Variants in VPS13B observed in about 807,000 individuals in gnomAD.
The protein encoded by VPS13B is vacuolar protein sorting 13 homolog B.
VPS13B carries 285 observed loss-of-function variants against 426.4 expected under a neutral mutation model. The ratio of observed to expected loss-of-function variants is 0.67; its 90% CI spans 0.61 to 0.74. The LOEUF (loss-of-function observed/expected upper bound fraction) is 0.74. VPS13B is among the 30% of genes least tolerant of loss of function. The probability of loss-of-function intolerance (pLI) is 0.00; values close to 1 mark genes in which losing one functional copy is unlikely to be tolerated. For missense variants in VPS13B, 4,537 were observed against 4,782.6 expected, an observed-to-expected ratio of 0.95 and a Z score of 1.51; for synonymous variants, 1,676 against 1,676.4, an observed-to-expected ratio of 1.00 and a Z score of 0.01.
intron 51 of VPS13B, 97 bp from the exon 52 acceptor site, chr8:99,832,268 AAAAG>A (rs1469356592): frequency 2.9e-5 from 41 of 1,415,888 alleles, no homozygotes; most frequent in Non-Finnish European, 3.5e-5. Flanking sequence ...TCAAAAAAAA[AAAAG>A]AAAAGAAAAG....
At chr8:99,105,409 C>G (rs916512259) in intron 5 of VPS13B, among the ~76,000 whole-genome samples, 1 of 152,058 alleles carries the variant, frequency 6.6e-6, no homozygotes, top group Non-Finnish European at 1.5e-5. Context: ...GACAGAGTCT[C>G]GCTCTGTCAC....
intron 13 of VPS13B, among the ~76,000 whole-genome samples, chr8:99,146,975 C>G (rs1810766087): frequency 6.6e-6 from 1 of 152,048 alleles, no homozygotes; most frequent in Non-Finnish European, 1.5e-5. Flanking sequence ...GTCTTAGACC[C>G]AGATTCCTTC....
chr8:99,656,320 T>G (rs1830016234), intron 34 of VPS13B, among the ~76,000 whole-genome samples: 1 of 152,226 alleles, frequency 6.6e-6, no homozygotes, highest in African/African-American at 2.4e-5. Context: ...GACTTTCTCC[T>G]GTTTCTTTGG....
intron 19 of VPS13B, among the ~76,000 whole-genome samples, chr8:99,342,020 T>C (rs1811278731): frequency 6.6e-6 from 1 of 152,244 alleles, no homozygotes; most frequent in Non-Finnish European, 1.5e-5. Context: ...GAATACAATG[T>C]ACTGCAATTA....
intron 2 of VPS13B, among the ~76,000 whole-genome samples, chr8:99,028,365 G>C (rs1039964159): frequency 4.0e-5 from 6 of 150,160 alleles, no homozygotes; most frequent in Admixed American, 1.3e-4. Flanking sequence ...CTCCCTCCCG[G>C]ATGGGGCGGC....
Position 99,642,172 on chromosome 8 carries a change from A to T in VPS13B, c.5582A>T (p.Lys1861Met), listed in dbSNP as rs1244081268. ...NLPEVDSDVA[K>M]PNQACISTVT... ...CCAGAAGTTGATTCAGATGTTGCTAAGCCCAACCAGGCATGTATTTCCACG... is the reference window on the plus strand; with the variant it reads ...CCAGAAGTTGATTCAGATGTTGCTATGCCCAACCAGGCATGTATTTCCACG... Residue 1861 changes from lysine (K) to methionine (M), a missense_variant, in exon 34 of 62, where the codon AAG becomes ATG. Around this residue, in one of 2 missense-constraint regions of VPS13B, gnomAD observed 4,311 missense variants for 4,474.3 expected, o/e 0.96. Coordinates refer to ENST00000357162, the MANE Select transcript of VPS13B (RefSeq NM_152564.5). 5 of 1,614,190 alleles carry T rather than the reference A, an allele frequency of 3.1e-6. No homozygotes were observed. Among genetic ancestry groups the T allele is most frequent in the Non-Finnish European group, 3.4e-6 (4 of 1,180,034 alleles).
intron 16 of VPS13B, among the ~76,000 whole-genome samples, chr8:99,177,308 A>G (rs1812687835): frequency 6.6e-6 from 1 of 152,168 alleles, no homozygotes; most frequent in Non-Finnish European, 1.5e-5. Context: ...CAGTCTTTGT[A>G]TATGTTAATG....
intron 15 of VPS13B, among the ~76,000 whole-genome samples, chr8:99,168,461 G>A (rs1306701045): frequency 6.6e-6 from 1 of 152,030 alleles, no homozygotes; most frequent in Non-Finnish European, 1.5e-5. Context: ...GTAATATGAT[G>A]TGATAAAATA....
rs144527469 is a variant in VPS13B at position 99,040,543 on chromosome 8, T to C, written c.291+1977T>C. On this transcript the variant is annotated intron_variant, in intron 3 of 61. Transcript: ENST00000357162. ...TGGAATTAAATTTTGCGTAAAAACA[T>C]TGTAGATGAAACAGATTTTAAAATA... Among the ~76,000 whole-genome samples the C allele has an allele frequency of 1.3e-3, 198 of 152,318 alleles. 1 individual carries two copies. The highest frequency in any genetic ancestry group is 4.4e-3 in the African/African-American group (185 of 41,584).
chr8:99,296,321 A>G (rs915283993), intron 19 of VPS13B, among the ~76,000 whole-genome samples: 1 of 152,116 alleles, frequency 6.6e-6, no homozygotes, highest in Non-Finnish European at 1.5e-5. Context: ...TTTTTAATAA[A>G]CTTTTTTTCA....
intron 16 of VPS13B, among the ~76,000 whole-genome samples, chr8:99,181,768 G>A (rs1195360256): frequency 1.3e-5 from 2 of 151,976 alleles, no homozygotes; most frequent in Non-Finnish European, 2.9e-5. Context: ...AAAAGGAAAA[G>A]TTTGTTTTTA....
At chr8:99,662,774 T>C (rs928826332) in intron 35 of VPS13B, among the ~76,000 whole-genome samples, 13 of 152,126 alleles carry the variant, frequency 8.5e-5, no homozygotes, top group African/African-American at 2.9e-4. Context: ...AGGCTGGGCA[T>C]GGTGGCTCAC....
chr8:99,323,604 A>G (rs1810096463), intron 19 of VPS13B, among the ~76,000 whole-genome samples: 1 of 152,210 alleles, frequency 6.6e-6, no homozygotes, highest in Non-Finnish European at 1.5e-5. Flanking sequence ...GCCATCTCAA[A>G]TCAAGTGTCT....
rs1382248673 is a variant in VPS13B, at chr8:99,157,782, A to T, written c.2208+1039A>T. Among the ~76,000 whole-genome samples the T allele has an allele frequency of 6.6e-5, 10 of 152,254 alleles. No homozygotes were observed. The East Asian group carries it at 1.9e-3, about 29-fold the overall frequency. ...CTTTTGCAAAACAGCCAAGTTGTGA[A>T]TTCAAAGGAAAAGTCTCCAGGAAAT... is the stretch of plus-strand genomic sequence containing the variant. On this transcript the variant is annotated intron_variant, in intron 15 of 61. Coordinates refer to ENST00000357162, the MANE Select transcript of VPS13B (RefSeq NM_152564.5).
intron 24 of VPS13B, among the ~76,000 whole-genome samples, chr8:99,473,114 C>T (rs1397861939): frequency 6.6e-6 from 1 of 151,846 alleles, no homozygotes; most frequent in African/African-American, 2.4e-5. Flanking sequence ...AAATGTTTTC[C>T]CAGAAATGAA....
At chr8:99,154,548 G>A (rs762390951) in intron 14 of VPS13B, among the ~76,000 whole-genome samples, 8 of 152,116 alleles carry the variant, frequency 5.3e-5, no homozygotes, top group Non-Finnish European at 1.0e-4. Flanking sequence ...TAGATTGTTG[G>A]CTAATTCCTA....
chr8:99,528,302 A>G (rs1822756558), intron 30 of VPS13B, among the ~76,000 whole-genome samples: 1 of 152,124 alleles, frequency 6.6e-6, no homozygotes. Flanking sequence ...GGGATCTTTG[A>G]GACATTTATG....
chr8:99,834,797 C>T lies in VPS13B; in HGVS notation c.9615-400C>T, dbSNP rs562741014. Among the ~76,000 whole-genome samples, 10 of 152,292 alleles carry T rather than the reference C, an allele frequency of 6.6e-5. 1 individual carries two copies. Among genetic ancestry groups the T allele is most frequent in the African/African-American group, 2.4e-4 (10 of 41,580 alleles). Reference sequence around the variant, plus strand: ...CTGGGCTTGAACTCCTGGGCTTAAGCAATTCTCCTGCCTTGGCTCCCAAAG... The same window carrying T: ...CTGGGCTTGAACTCCTGGGCTTAAGTAATTCTCCTGCCTTGGCTCCCAAAG... On this transcript the variant is annotated intron_variant, in intron 52 of 61. Coordinates refer to ENST00000357162, the MANE Select transcript of VPS13B (RefSeq NM_152564.5).
intron 24 of VPS13B, among the ~76,000 whole-genome samples, chr8:99,474,751 A>G (rs1819604960): frequency 6.6e-6 from 1 of 152,194 alleles, no homozygotes; most frequent in Non-Finnish European, 1.5e-5. Context: ...GTGAGAATGT[A>G]AAAATGATGT....
Sources: allele counts gnomAD v4.1 joint callset (sites outside exome capture counted in the v4.1 genomes callset), GRCh38; gene constraint gnomAD v4.1.1; regional missense constraint gnomAD v4.1.1; transcripts MANE v1.5; gene names NCBI Gene and HGNC (gene_info 2026-07-23, HGNC 2026-07-21).